The following ERBB4 variants were observed in gnomAD, a reference collection of about 807,000 sequenced individuals.
ERBB4 encodes receptor tyrosine-protein kinase erbB-4.
In ERBB4, 42 loss-of-function variants were observed where a neutral mutation model predicts 158.0. The observed-to-expected ratio is 0.27, with a 90% CI of 0.21 to 0.34. The LOEUF (loss-of-function observed/expected upper bound fraction) is 0.34. Among genes scored for constraint, ERBB4 ranks in the 10% least tolerant of loss-of-function variants. The pLI, the probability that ERBB4 is intolerant of heterozygous loss-of-function variation, is 1.00. For synonymous variants in ERBB4, 583 were observed against 558.7 expected (o/e 1.04, Z -0.61); for missense variants, 1,333 against 1,624.1 (o/e 0.82, Z 3.08).
intron 20 of ERBB4, 33 bp from the exon 21 acceptor site, chr2:211,431,133 G>C (rs2125430983): frequency 1.2e-6 from 2 of 1,600,264 alleles, no homozygotes; most frequent in Non-Finnish European, 1.7e-6. Context: ...ATGATATTCA[G>C]TTAATGCCCA....
At chr2:211,460,246 G>A (rs1036171380) in intron 20 of ERBB4, among the ~76,000 whole-genome samples, 1 of 152,028 alleles carries the variant, frequency 6.6e-6, no homozygotes, top group African/African-American at 2.4e-5. Context: ...TAAGTCAAAT[G>A]CTTTTTTTTA....
chr2:212,331,797 G>A (rs1002072403), intron 1 of ERBB4, among the ~76,000 whole-genome samples: 3 of 151,532 alleles, frequency 2.0e-5, no homozygotes, highest in African/African-American at 7.3e-5. Context: ...TAGTTTTTTT[G>A]GTCATTTTTA....
chr2:212,046,359 C>T (rs1440444073), intron 2 of ERBB4, among the ~76,000 whole-genome samples: 1 of 152,134 alleles, frequency 6.6e-6, no homozygotes, highest in Non-Finnish European at 1.5e-5. Flanking sequence ...TAAACAGTAG[C>T]ACAGCTAGAG....
intron 6 of ERBB4, among the ~76,000 whole-genome samples, chr2:211,723,593 C>T (rs1262367205): frequency 6.6e-6 from 1 of 151,982 alleles, no homozygotes; most frequent in Non-Finnish European, 1.5e-5. Flanking sequence ...GATGCATAAT[C>T]AGAACAAGAC....
At chr2:212,336,012 GA>G (rs1439355209) in intron 1 of ERBB4, among the ~76,000 whole-genome samples, 2 of 151,932 alleles carry the variant, frequency 1.3e-5, no homozygotes, top group African/African-American at 4.8e-5. Context: ...TTTATTCAAT[GA>G]AAGGGGAATA....
intron 3 of ERBB4, among the ~76,000 whole-genome samples, chr2:211,855,202 T>C (rs2077825576): frequency 6.6e-6 from 1 of 152,198 alleles, no homozygotes; most frequent in African/African-American, 2.4e-5. Context: ...TACCTGTCTT[T>C]GCCTTAAGGA....
At chr2:212,017,141 G>A (rs2076546989) in intron 2 of ERBB4, among the ~76,000 whole-genome samples, 1 of 152,108 alleles carries the variant, frequency 6.6e-6, no homozygotes, top group South Asian at 2.1e-4. Flanking sequence ...GGATTTTGCT[G>A]CACTTGTATT....
chr2:211,607,914 G>A (rs1397402889), intron 19 of ERBB4, among the ~76,000 whole-genome samples: 1 of 129,706 alleles, frequency 7.7e-6, no homozygotes, highest in Non-Finnish European at 1.6e-5. Flanking sequence ...CTGTCTCCCA[G>A]GCTGGAGTGT....
chr2:211,889,612 T>C (rs1312940533), intron 3 of ERBB4, among the ~76,000 whole-genome samples: 1 of 149,256 alleles, frequency 6.7e-6, no homozygotes, highest in Non-Finnish European at 1.5e-5. Context: ...TACTCCGAGC[T>C]ACGGGAGGAC....
intron 1 of ERBB4, among the ~76,000 whole-genome samples, chr2:212,280,841 T>C (rs536668663): frequency 2.0e-5 from 3 of 151,720 alleles, no homozygotes; most frequent in African/African-American, 7.2e-5. Context: ...CTAGAGATGT[T>C]CTCACTCAAA....
intron 1 of ERBB4, among the ~76,000 whole-genome samples, chr2:212,235,274 T>C (rs913639370): frequency 7.9e-5 from 12 of 152,186 alleles, no homozygotes; most frequent in African/African-American, 2.7e-4. Flanking sequence ...TTGTCAAAGA[T>C]CAGATGATTG....
At chr2:211,548,850 A>G (rs756069159) in intron 20 of ERBB4, among the ~76,000 whole-genome samples, 2 of 151,992 alleles carry the variant, frequency 1.3e-5, no homozygotes, top group Non-Finnish European at 2.9e-5. Context: ...ATTTTAAACT[A>G]AGATTTCACA....
intron 12 of ERBB4, among the ~76,000 whole-genome samples, chr2:211,689,864 T>G (rs1189472544): frequency 6.6e-6 from 1 of 151,878 alleles, no homozygotes; most frequent in Non-Finnish European, 1.5e-5. Context: ...TGAGAACAAC[T>G]TGTAAAGAGA....
intron 3 of ERBB4, among the ~76,000 whole-genome samples, chr2:211,818,164 G>A (rs2076918138): frequency 6.6e-6 from 1 of 152,066 alleles, no homozygotes; most frequent in Non-Finnish European, 1.5e-5. Flanking sequence ...TATAAACATA[G>A]GGTTGAATAA....
At chr2:212,222,099 C>G (rs918236678) in intron 1 of ERBB4, among the ~76,000 whole-genome samples, 2 of 151,386 alleles carry the variant, frequency 1.3e-5, no homozygotes, top group African/African-American at 2.4e-5. Context: ...GAACTATATG[C>G]TAAGTATATA....
intron 20 of ERBB4, among the ~76,000 whole-genome samples, chr2:211,546,653 A>G (rs1478303922): frequency 6.6e-6 from 1 of 152,086 alleles, no homozygotes. Context: ...AGAGGATATA[A>G]TACTACCTGT....
chr2:212,411,097 C>A lies in ERBB4; in HGVS notation c.82+127352G>T, dbSNP rs1179611790. The stretch of plus-strand genomic sequence containing the variant: ...AACTATTTCATTGTAGTAAAATAAA[C>A]ACAGCTCAAGTTGAAGTAATACAAT... On this transcript the variant is annotated intron_variant, in intron 1 of 27. Coordinates refer to ENST00000342788, the MANE Select transcript of ERBB4 (RefSeq NM_005235.3). Among the ~76,000 whole-genome samples the A allele has an allele frequency of 3.3e-5, 5 of 152,054 alleles. No individual in the cohort carries two copies. In the South Asian group the frequency reaches 1.0e-3, roughly 32 times the overall value.
At chr2:211,843,947 A>C (rs1444527515) in intron 3 of ERBB4, among the ~76,000 whole-genome samples, 2 of 152,134 alleles carry the variant, frequency 1.3e-5, no homozygotes, top group Non-Finnish European at 2.9e-5. Context: ...GGGTCAAATG[A>C]ATTGCCAACT....
chr2:212,507,830 C>A (rs766264383), intron 1 of ERBB4, among the ~76,000 whole-genome samples: 1 of 152,134 alleles, frequency 6.6e-6, no homozygotes, highest in Non-Finnish European at 1.5e-5. Flanking sequence ...ACTATATAAA[C>A]TCAGTTGAAA....
Sources: gnomAD v4.1 joint callset for allele counts (sites outside exome capture counted in the v4.1 genomes callset) on GRCh38, gnomAD v4.1.1 for gene constraint, MANE v1.5 for transcripts, NCBI Gene and HGNC (gene_info 2026-07-23, HGNC 2026-07-21) for gene names.